The following PLEC variants were observed in gnomAD, a reference collection of about 807,000 sequenced individuals.
The protein encoded by PLEC is plectin, also known as hemidesmosomal protein 1.
In PLEC, 216 loss-of-function variants were observed where a neutral mutation model predicts 392.8. The ratio of observed to expected loss-of-function variants is 0.55; its 90% CI spans 0.49 to 0.62. PLEC has a LOEUF of 0.62. PLEC is among the 20% of genes least tolerant of loss of function. The pLI, the probability that PLEC is intolerant of heterozygous loss-of-function variation, is 0.00. For missense variants in PLEC, 6,863 were observed against 6,563.4 expected (o/e 1.05, Z -1.58); for synonymous variants, 3,621 against 2,980.6 (o/e 1.21, Z -7.00).
Position 143,924,103 on chromosome 8 carries a change from C to T in PLEC, c.5826G>A (p.Ala1942=), listed in dbSNP as rs782161534. Residue 1942 remains alanine, a synonymous_variant, in exon 31 of 32, where the codon GCG becomes GCA. Coordinates refer to ENST00000345136, the MANE Select transcript of PLEC (RefSeq NM_201384.3). ...ASFEKAAAGK[A]ELELELGRIR... is the part of the protein sequence containing the mutation. ...TGCGTCCCAGCTCCAGCTCCAGCTC[C>T]GCCTTGCCAGCGGCCGCCTTCTCGA... is the stretch of plus-strand genomic sequence containing the variant. 54 of 1,598,564 alleles carry T rather than the reference C, an allele frequency of 3.4e-5. No homozygotes were observed. The highest frequency in any genetic ancestry group is 4.0e-5 in the African/African-American group (3 of 74,878).
Position 143,922,387 on chromosome 8 carries a change from C to G in PLEC, c.7434G>C (p.Thr2478=). The G allele has an allele frequency of 1.2e-6, 2 of 1,602,042 alleles. No homozygotes were observed. Among genetic ancestry groups the G allele is most frequent in the South Asian group, 2.2e-5 (2 of 91,062 alleles). ...CCTGCAGCAGCTGCTCCTGCTGCACCGTCTGCATCTGCAGAAGAAGAGGGT... is the reference window on the plus strand; with the variant it reads ...CCTGCAGCAGCTGCTCCTGCTGCACGGTCTGCATCTGCAGAAGAAGAGGGT... ...LLQLKSEEMQ[T]VQQEQLLQET... is the part of the protein sequence containing the mutation. Residue 2478 remains threonine, a synonymous_variant, in exon 32 of 32, where the codon ACG becomes ACC. Transcript: ENST00000345136.
At chr8:143,965,387 C>T (rs1256840064) in intron 1 of PLEC, among the ~76,000 whole-genome samples, 2 of 120,510 alleles carry the variant, frequency 1.7e-5, no homozygotes, top group African/African-American at 6.5e-5. Context: ...CCAGCTGGCA[C>T]CCTCCTTCCA....
intron 1 of PLEC, among the ~76,000 whole-genome samples, chr8:143,960,139 G>T (rs1554740402): frequency 2.0e-5 from 3 of 151,622 alleles, no homozygotes; most frequent in Non-Finnish European, 4.4e-5. Flanking sequence ...AAAATTAGCT[G>T]GGCATGGTGG....
rs1564140990 is a variant in PLEC, at chr8:143,933,969, CGCCCACTGCCT to C, written c.1263+18_1263+28del. 6.3e-7 allele frequency: 1 copy of C among 1,575,564 alleles called. No homozygotes were observed. The highest frequency in any genetic ancestry group is 8.6e-7 in the Non-Finnish European group (1 of 1,159,854). ...GGGCAGGCTCCTCCGGCCTCCCTCCCGCCCACTGCCTGCCCCACACCCCCTCACCGACTGCA... is the reference window on the plus strand; with the variant it reads ...GGGCAGGCTCCTCCGGCCTCCCTCCCGCCCCACACCCCCTCACCGACTGCA... On this transcript the variant is annotated intron_variant, in intron 12 of 31. Coordinates refer to ENST00000345136, the MANE Select transcript of PLEC (RefSeq NM_201384.3).
Position 143,916,533 on chromosome 8 carries a change from C to T in PLEC, c.13288G>A (p.Ala4430Thr), listed in dbSNP as rs782401149. 8.7e-6 allele frequency: 14 copies of T among 1,611,782 alleles called. No homozygotes were observed. Among genetic ancestry groups the T allele is most frequent in the Non-Finnish European group, 1.0e-5 (12 of 1,179,492 alleles). ...RTAQKLRDVG[A>T]YSKYLTCPKT... ...GGGCAGGTGAGGTACTTGGAGTAGG[C>T]GCCCACGTCACGCAGCTTCTGTGCG... Residue 4430 changes from alanine to threonine, a missense_variant, in exon 32 of 32, where the codon GCC becomes ACC. Coordinates refer to ENST00000345136, the MANE Select transcript of PLEC (RefSeq NM_201384.3).
rs782059875 is a variant in PLEC at position 143,923,028 on chromosome 8, G to A, written c.6901C>T (p.Leu2301=). The A allele has an allele frequency of 6.8e-6, 11 of 1,611,494 alleles. No homozygotes were observed. Among genetic ancestry groups the A allele is most frequent in the South Asian group, 3.3e-5 (3 of 90,960 alleles). ...TCTGCCAAGGCCCGCTGCTGTGCCA[G>A]GTCCTCCTCTGCCAGCTGCCGCAGT... ...ARLRQLAEED[L]AQQRALAEKM... The change falls in exon 31 of 32, where the codon CTG becomes TTG. Residue 2301 remains leucine (L), a synonymous_variant. Transcript: ENST00000345136.
At position 143,918,961 on chromosome 8, in the gene PLEC, G is replaced by A. The variant is rs782307737; in HGVS notation, c.10860C>T (p.Ile3620=). The change falls in exon 32 of 32, where the codon ATC becomes ATT. Residue 3620 remains isoleucine (I), a synonymous_variant. Transcript: ENST00000345136. ...AGRVTKERMI[I]IIIEIIEKTE... is the part of the protein sequence containing the mutation. Reference sequence around the variant, plus strand: ...TCTTCTCAATGATCTCGATGATGATGATGATCATGCGTTCCTTGGTCACCC... The same window carrying A: ...TCTTCTCAATGATCTCGATGATGATAATGATCATGCGTTCCTTGGTCACCC... 1.2e-6 allele frequency: 2 copies of A among 1,610,892 alleles called. No homozygotes were observed. The highest frequency in any genetic ancestry group is 1.7e-5 in the Admixed American group (1 of 60,030).
intron 1 of PLEC, among the ~76,000 whole-genome samples, chr8:143,947,831 G>A (rs569824876): frequency 6.6e-6 from 1 of 152,330 alleles, no homozygotes; most frequent in Admixed American, 6.5e-5. Context: ...ACCACACCAA[G>A]CAACTGAAAC....
Position 143,925,785 on chromosome 8 carries a change from C to A in PLEC, c.4144G>T (p.Ala1382Ser), listed in dbSNP as rs1554704072. ...GCCTCCCGCTCCGCCTGTGCCTTTG[C>A]CTGGGCGTGCGCCTCGGCCAGCTGC... ...QRQLAEAHAQ[A>S]KAQAEREAKE... The change falls in exon 31 of 32, where the codon GCA becomes TCA. Residue 1382 changes from alanine (A) to serine (S), a missense_variant. Ala to Ser is a moderately conservative substitution (Grantham distance 99, BLOSUM62 1). Transcript: ENST00000345136. 1 of 1,583,754 alleles carries A rather than the reference C, an allele frequency of 6.3e-7. No homozygotes were observed. Among genetic ancestry groups the A allele is most frequent in the South Asian group, 1.1e-5 (1 of 89,118 alleles).
chr8:143,973,649 G>A (rs1833553080), upstream of PLEC: 1 of 538,860 alleles, frequency 1.9e-6, no homozygotes, highest in South Asian at 7.8e-5. This position sits in a 1 kb window ranked among gnomAD's most constrained non-coding sequence, Gnocchi z 5.6. Context: ...CGGGCAGAGG[G>A]AGCCGCGTCT....
At chr8:143,934,144 T>C in intron 11 of PLEC, 53 bp from the exon 12 acceptor site, 2 of 1,594,734 alleles carry the variant, frequency 1.3e-6, no homozygotes, top group East Asian at 2.3e-5. Flanking sequence ...GGCACAGCCC[T>C]GGCCACAGAC....
At position 143,921,623 on chromosome 8, in the gene PLEC, T is replaced by A. The variant is rs1554686518; in HGVS notation, c.8198A>T (p.Gln2733Leu). The A allele has an allele frequency of 6.2e-7, 1 of 1,612,880 alleles. No individual in the cohort carries two copies. The highest frequency in any genetic ancestry group is 1.7e-5 in the Admixed American group (1 of 59,996). Residue 2733 changes from glutamine (Q) to leucine (L), a missense_variant, in exon 32 of 32, where the codon CAG becomes CTG. Gln to Leu is a moderately radical substitution (Grantham distance 113). Transcript: ENST00000345136. ...PGTALILLEA[Q>L]AASGFLLDPV... Reference sequence around the variant, plus strand: ...GTCCAGCAGGAAGCCTGAGGCCGCCTGCGCCTCCAGCAGGATGAGGGCCGT... The same window carrying A: ...GTCCAGCAGGAAGCCTGAGGCCGCCAGCGCCTCCAGCAGGATGAGGGCCGT...
upstream of PLEC, among the ~76,000 whole-genome samples, chr8:143,975,607 C>T (rs980602569): frequency 6.6e-6 from 1 of 151,782 alleles, no homozygotes; most frequent in Non-Finnish European, 1.5e-5. This position sits in a 1 kb window ranked among gnomAD's most constrained non-coding sequence, Gnocchi z 9.9. Context: ...CTTGCCCCCT[C>T]CCGCGCACTC....
At chr8:143,945,367 GCT>G (rs1474266795) in intron 1 of PLEC, 1 of 338,616 alleles carries the variant, frequency 3.0e-6, no homozygotes, top group Admixed American at 4.3e-5. Context: ...CCGAAGCCCT[GCT>G]CTGTGGAAGG....
intron 26 of PLEC, 24 bp downstream of exon 26, chr8:143,927,830 G>A (rs782234853): frequency 1.9e-6 from 3 of 1,592,086 alleles, no homozygotes; most frequent in Middle Eastern, 1.7e-4. Flanking sequence ...ACCCCGCCAT[G>A]AAGCCCAAGC....
chr8:143,942,359 C>A, upstream of PLEC: 1 of 1,598,952 alleles, frequency 6.3e-7, no homozygotes, highest in East Asian at 2.2e-5. Context: ...ATGGTGGCCC[C>A]TTCTGTGCCA....
At chr8:143,961,066 G>A (rs947300254) in intron 1 of PLEC, among the ~76,000 whole-genome samples, 4 of 152,348 alleles carry the variant, frequency 2.6e-5, no homozygotes, top group African/African-American at 9.6e-5. Context: ...CACACACTGC[G>A]CGTTTGTGGC....
At chr8:143,944,495 G>C (rs114349092), upstream of PLEC, among the ~76,000 whole-genome samples, 227 of 152,336 alleles carry the variant, frequency 1.5e-3, no homozygotes, top group African/African-American at 5.3e-3. Context: ...CTGCAGACCA[G>C]GGCTGAGGGG....
chr8:143,967,328 A>G (rs1460447927), intron 1 of PLEC, among the ~76,000 whole-genome samples: 3 of 138,258 alleles, frequency 2.2e-5, no homozygotes. Flanking sequence ...GCGCCACTGC[A>G]TTCCAGCCTG....
Sources: gnomAD v4.1 joint callset for allele counts (sites outside exome capture counted in the v4.1 genomes callset) on GRCh38, gnomAD v4.1.1 for gene constraint, Gnocchi (gnomAD v3.1) non-coding constraint, MANE v1.5 for transcripts, NCBI Gene and HGNC (gene_info 2026-07-23, HGNC 2026-07-21) for gene names.